Variants in FREM1 observed in about 807,000 individuals in gnomAD.
FREM1 encodes the protein FRAS1 related extracellular matrix 1, also known as FRAS1-related extracellular matrix protein 1.
Under a neutral mutation model 210.1 loss-of-function variants are expected in FREM1, and 220 were observed. The observed-to-expected ratio is 1.05, with a 90% CI of 0.94 to 1.17. The LOEUF (loss-of-function observed/expected upper bound fraction) is 1.17, where lower values mean the gene tolerates loss of function less well. Among genes scored for constraint, FREM1 ranks in the 50% most tolerant of loss-of-function variants. FREM1 has a pLI of 0.00. For missense variants in FREM1, 3,454 were observed against 2,675.5 expected (o/e 1.29, Z -6.42); for synonymous variants, 1,189 against 980.2 (o/e 1.21, Z -3.98).
intron 24 of FREM1, among the ~76,000 whole-genome samples, chr9:14,778,876 TA>T (rs1563908668): frequency 6.6e-6 from 1 of 151,820 alleles, no homozygotes; most frequent in South Asian, 2.1e-4. Context: ...AAGCCCATCT[TA>T]AAAAAAGAAA....
rs767932723 is a variant in FREM1 at position 14,746,353 on chromosome 9, T to C, written c.6254A>G (p.Gln2085Arg). The C allele has an allele frequency of 1.2e-6, 2 of 1,610,236 alleles. No homozygotes were observed. Among genetic ancestry groups the C allele is most frequent in the Non-Finnish European group, 1.7e-6 (2 of 1,176,528 alleles). Residue 2085 changes from glutamine to arginine, a missense_variant and splice_region_variant, in exon 35 of 37, where the codon CAA becomes CGA. Transcript: ENST00000380880. ...TCAAATGTGCAATAGGGTGCCTTAC[T>C]GTTCCCTGCAAGCTTGGGCAGCCGC... ...WNAAAQACRE[Q>R]YLGNLVTVFS...
At chr9:14,785,415 T>C (rs1308821756) in intron 23 of FREM1, among the ~76,000 whole-genome samples, 2 of 152,248 alleles carry the variant, frequency 1.3e-5, no homozygotes, top group African/African-American at 4.8e-5. Context: ...ATTGTTAATA[T>C]TCCAGTCCTT....
At chr9:14,793,859 C>A (rs1851857148) in intron 21 of FREM1, among the ~76,000 whole-genome samples, 1 of 152,190 alleles carries the variant, frequency 6.6e-6, no homozygotes, top group African/African-American at 2.4e-5. Flanking sequence ...TATCTTGCTA[C>A]CCAGGGCTGA....
chr9:14,886,732 CA>C lies in FREM1; in HGVS notation c.-267-17489del, dbSNP rs199709559. Among the ~76,000 whole-genome samples, 1,140 of 151,010 alleles carry C rather than the reference CA, an allele frequency of 7.5e-3. 18 individuals are homozygous for C. The highest frequency in any genetic ancestry group is 0.025 in the African/African-American group (1,026 of 41,228). ...GCAATATGGTGAAACCCCACTCCTA[CA>C]AAAAAAAATTTTAAATTAGGTTGGT... On this transcript the variant is annotated intron_variant, in intron 1 of 36. Coordinates refer to ENST00000380880, the MANE Select transcript of FREM1 (RefSeq NM_001379081.2).
intron 16 of FREM1, 106 bp downstream of exon 16, chr9:14,812,706 T>C: frequency 8.4e-7 from 1 of 1,184,612 alleles, no homozygotes; most frequent in Non-Finnish European, 1.2e-6. Context: ...TTCTTGTTTT[T>C]AATGGAAGTA....
chr9:14,906,974 A>T (rs1177106306), intron 1 of FREM1, among the ~76,000 whole-genome samples: 1 of 152,244 alleles, frequency 6.6e-6, no homozygotes, highest in African/African-American at 2.4e-5. Context: ...TGGATGATGC[A>T]CAAAAAGAGC....
intron 8 of FREM1, among the ~76,000 whole-genome samples, chr9:14,845,382 G>A (rs917684824): frequency 6.6e-6 from 1 of 151,832 alleles, no homozygotes; most frequent in African/African-American, 2.4e-5. Flanking sequence ...TTGGCTCACT[G>A]CAACCTCTGC....
intron 24 of FREM1, among the ~76,000 whole-genome samples, chr9:14,781,495 T>G (rs1007250094): frequency 6.6e-6 from 1 of 152,218 alleles, no homozygotes; most frequent in Non-Finnish European, 1.5e-5. Flanking sequence ...ATCAATGTAT[T>G]TAAAAGGAAA....
chr9:14,752,052 A>G (rs1015950507), intron 29 of FREM1, among the ~76,000 whole-genome samples: 2 of 150,860 alleles, frequency 1.3e-5, no homozygotes, highest in Non-Finnish European at 1.5e-5. Context: ...GGATAAATCA[A>G]TACATCAAAA....
chr9:14,838,489 G>GCACACA (rs4008011), intron 10 of FREM1, among the ~76,000 whole-genome samples: 9 of 149,996 alleles, frequency 6.0e-5, no homozygotes, highest in Non-Finnish European at 1.2e-4. Flanking sequence ...ATGCTTGCCA[G>GCACACA]CACACACACA....
rs1180640160 is a variant in FREM1 at position 14,806,856 on chromosome 9, A to C, written c.3089-10T>G. Reference sequence around the variant, plus strand: ...ACAACAAACACGGGACCTGCATACAAATAAAAACACAATTACAACTTAGCA... The same window carrying C: ...ACAACAAACACGGGACCTGCATACACATAAAAACACAATTACAACTTAGCA... On this transcript the variant is annotated splice_polypyrimidine_tract_variant and intron_variant, in intron 17 of 36. Transcript: ENST00000380880. The C allele has an allele frequency of 1.3e-6, 2 of 1,554,742 alleles. No homozygotes were observed. The highest frequency in any genetic ancestry group is 1.8e-6 in the Non-Finnish European group (2 of 1,140,150).
intron 27 of FREM1, among the ~76,000 whole-genome samples, chr9:14,763,794 C>T (rs1845924577): frequency 6.6e-6 from 1 of 152,212 alleles, no homozygotes; most frequent in South Asian, 2.1e-4. Context: ...CATGCTATCA[C>T]ATTGATTTAG....
At position 14,824,903 on chromosome 9, in the gene FREM1, C is replaced by T; in HGVS notation, c.1971G>A (p.Glu657=). Residue 657 remains glutamate (E), a synonymous_variant, in exon 11 of 37, where the codon GAG becomes GAA. Transcript: ENST00000380880. ...GCTGTTTCTTAGTTATATAGGCCAC[C>T]TCAGTTTCCTTGACAACCAAATGCC... ...VSRHLVVKET[E]VAYITKKQLH... 6.2e-7 allele frequency: 1 copy of T among 1,611,642 alleles called. No individual in the cohort carries two copies. The highest frequency in any genetic ancestry group is 8.5e-7 in the Non-Finnish European group (1 of 1,179,176).
rs778342348 is a variant in FREM1 at position 14,806,681 on chromosome 9, C to G, written c.3254G>C (p.Ser1085Thr). 2 of 1,596,886 alleles carry G rather than the reference C, an allele frequency of 1.3e-6. No individual in the cohort carries two copies. Among genetic ancestry groups the G allele is most frequent in the Non-Finnish European group, 1.7e-6 (2 of 1,170,214 alleles). The stretch of plus-strand genomic sequence containing the variant: ...CTTACCTATACTTATGCCAATATTG[C>G]TTTTTTCAAAACCCACAGAAGGGAG... ...NILPSVGFEK[S>T]NIGISIDSFQ... The change falls in exon 18 of 37, where the codon AGC becomes ACC. Residue 1085 changes from serine (S) to threonine (T), a missense_variant. Transcript: ENST00000380880.
At chr9:14,817,072 A>G (rs1588148526) in intron 14 of FREM1, among the ~76,000 whole-genome samples, 1 of 152,200 alleles carries the variant, frequency 6.6e-6, no homozygotes, top group African/African-American at 2.4e-5. Context: ...AAATTGCTCC[A>G]CCCTGGAAAA....
intron 20 of FREM1, 115 bp from the exon 21 acceptor site, chr9:14,797,757 AG>A (rs1331307797): frequency 2.7e-6 from 2 of 728,938 alleles, no homozygotes; most frequent in African/African-American, 3.5e-5. Context: ...TTCATTTATC[AG>A]TGCAGTAGGG....
intron 36 of FREM1, among the ~76,000 whole-genome samples, chr9:14,738,417 A>T (rs915780303): frequency 6.6e-6 from 1 of 152,186 alleles, no homozygotes; most frequent in Non-Finnish European, 1.5e-5. Context: ...ATGAAATGAA[A>T]TACTTTTGGT....
chr9:14,877,482 T>C (rs1833982468), intron 1 of FREM1, among the ~76,000 whole-genome samples: 1 of 149,974 alleles, frequency 6.7e-6, no homozygotes, highest in Non-Finnish European at 1.5e-5. Flanking sequence ...CCCCAAATAA[T>C]TCCAGTCTCC....
At position 14,896,286 on chromosome 9, in the gene FREM1, C is replaced by T. The variant is rs575951209; in HGVS notation, c.-268+13628G>A. Among the ~76,000 whole-genome samples the T allele has an allele frequency of 2.6e-5, 4 of 152,278 alleles. No homozygotes were observed. The South Asian group carries it at 8.3e-4, about 32-fold the overall frequency. On this transcript the variant is annotated intron_variant, in intron 1 of 36. Coordinates refer to ENST00000380880, the MANE Select transcript of FREM1 (RefSeq NM_001379081.2). ...ATGGGCTGGGCCCCGTGGCTCATGC[C>T]TGTAATCCCAACACTTTGGGAGGCC...
Sources: gnomAD v4.1 joint callset for allele counts (sites outside exome capture counted in the v4.1 genomes callset) on GRCh38, gnomAD v4.1.1 for gene constraint, MANE v1.5 for transcripts, NCBI Gene and HGNC (gene_info 2026-07-23, HGNC 2026-07-21) for gene names.